The following DCC variants were observed in gnomAD, a reference collection of about 807,000 sequenced individuals.
The protein encoded by DCC is netrin receptor DCC.
DCC carries 58 observed loss-of-function variants against 172.5 expected under a neutral mutation model. The ratio of observed to expected loss-of-function variants is 0.34; its 90% CI spans 0.27 to 0.42. DCC has a LOEUF of 0.42. DCC is among the 10% of genes least tolerant of loss of function. The pLI is 1.00. For synonymous variants in DCC, 709 were observed against 644.5 expected (o/e 1.10, Z -1.52); for missense variants, 1,740 against 1,791.0 (o/e 0.97, Z 0.51).
chr18:53,187,867 TAA>T (rs1349966146), intron 9 of DCC, among the ~76,000 whole-genome samples: 7 of 152,324 alleles, frequency 4.6e-5, no homozygotes, highest in African/African-American at 1.7e-4. Context: ...TACCATGAGT[TAA>T]AATAGAAAGA....
chr18:53,361,322 A>G (rs377021129), intron 15 of DCC, among the ~76,000 whole-genome samples: 1 of 152,340 alleles, frequency 6.6e-6, no homozygotes, highest in South Asian at 2.1e-4. Context: ...TAGAAAATCA[A>G]TACAAAACCG....
At chr18:53,462,677 A>G (rs2045574262) in intron 24 of DCC, among the ~76,000 whole-genome samples, 3 of 152,126 alleles carry the variant, frequency 2.0e-5, no homozygotes, top group South Asian at 2.1e-4. Context: ...ATTTTCTTCC[A>G]TGAAACTGGT....
intron 4 of DCC, 107 bp downstream of exon 4, chr18:52,923,964 A>G (rs2040162714): frequency 2.5e-6 from 2 of 815,958 alleles, no homozygotes; most frequent in Non-Finnish European, 4.2e-6. Flanking sequence ...AGGGTTTTTC[A>G]TAATAATTGA....
chr18:53,059,107 G>T (rs920360699), intron 5 of DCC, among the ~76,000 whole-genome samples: 1 of 152,026 alleles, frequency 6.6e-6, no homozygotes, highest in Non-Finnish European at 1.5e-5. Flanking sequence ...GGAGCCAAAG[G>T]GGGAAAAGCC....
intron 1 of DCC, among the ~76,000 whole-genome samples, chr18:52,539,171 G>C (rs2032369068): frequency 6.6e-6 from 1 of 151,852 alleles, no homozygotes; most frequent in Admixed American, 6.6e-5. Flanking sequence ...GATTTTGTGG[G>C]GCTTAATTTA....
chr18:53,191,324 CACTT>C (rs1482113996), intron 9 of DCC, among the ~76,000 whole-genome samples: 1 of 152,058 alleles, frequency 6.6e-6, no homozygotes, highest in Non-Finnish European at 1.5e-5. Flanking sequence ...TTTAACATAT[CACTT>C]ACATTTTTAT....
intron 12 of DCC, among the ~76,000 whole-genome samples, chr18:53,272,934 T>C (rs536704777): frequency 6.6e-6 from 1 of 152,210 alleles, no homozygotes; most frequent in African/African-American, 2.4e-5. Flanking sequence ...AATAAACAGC[T>C]CAACACAGAT....
Position 53,472,798 on chromosome 18 carries a change from T to C in DCC, c.3736+4788T>C, listed in dbSNP as rs545631910. ...TTCCTAAAACAAGTTAAACATGGCA[T>C]CCCACCCCATACATTTCTCCAGTGG... On this transcript the variant is annotated intron_variant, in intron 25 of 28. Coordinates refer to ENST00000442544, the MANE Select transcript of DCC (RefSeq NM_005215.4). 1.7e-3 allele frequency among the ~76,000 whole-genome samples: 260 copies of C among 152,230 alleles called. 1 individual carries two copies. Among genetic ancestry groups the C allele is most frequent in the Admixed American group, 5.1e-3 (78 of 15,272 alleles).
intron 2 of DCC, among the ~76,000 whole-genome samples, chr18:52,839,276 T>C (rs967251274): frequency 6.6e-6 from 1 of 152,186 alleles, no homozygotes; most frequent in African/African-American, 2.4e-5. Flanking sequence ...TATGTGTGCA[T>C]GTTCAAGTAT....
At chr18:53,083,670 C>T (rs2042837195) in intron 7 of DCC, among the ~76,000 whole-genome samples, 1 of 152,078 alleles carries the variant, frequency 6.6e-6, no homozygotes, top group Non-Finnish European at 1.5e-5. Flanking sequence ...TGATGGCATA[C>T]TTCTCTTTAG....
intron 7 of DCC, among the ~76,000 whole-genome samples, chr18:53,145,785 A>C (rs992338914): frequency 6.6e-6 from 1 of 152,234 alleles, no homozygotes; most frequent in Non-Finnish European, 1.5e-5. Flanking sequence ...AAATAGAAAA[A>C]GAAGAAGTAA....
chr18:53,164,871 C>G (rs2054892788), intron 8 of DCC, among the ~76,000 whole-genome samples: 1 of 152,160 alleles, frequency 6.6e-6, no homozygotes, highest in Non-Finnish European at 1.5e-5. Flanking sequence ...TTATGATGAT[C>G]TCCATTTCAC....
chr18:53,152,337 C>A (rs1454509628), intron 7 of DCC, among the ~76,000 whole-genome samples: 1 of 152,116 alleles, frequency 6.6e-6, no homozygotes, highest in African/African-American at 2.4e-5. Flanking sequence ...GAAAAAAATT[C>A]ATGTTCATAA....
chr18:52,707,787 T>G (rs2036233106), intron 1 of DCC, among the ~76,000 whole-genome samples: 1 of 152,196 alleles, frequency 6.6e-6, no homozygotes, highest in Non-Finnish European at 1.5e-5. Context: ...ATGATCTATC[T>G]TTTATGTGGA....
chr18:53,419,015 G>A (rs1354131625), intron 21 of DCC, among the ~76,000 whole-genome samples: 1 of 152,126 alleles, frequency 6.6e-6, no homozygotes, highest in Non-Finnish European at 1.5e-5. Context: ...GGCACAGGTG[G>A]CAAATAAGTT....
intron 12 of DCC, among the ~76,000 whole-genome samples, chr18:53,273,615 A>C (rs372028605): frequency 1.3e-5 from 2 of 152,160 alleles, no homozygotes; most frequent in East Asian, 3.9e-4. Context: ...ATTTGCAAAT[A>C]AGTTCTGAGT....
chr18:53,233,880 G>A (rs183594485), intron 12 of DCC, among the ~76,000 whole-genome samples: 4 of 152,266 alleles, frequency 2.6e-5, no homozygotes, highest in Non-Finnish European at 4.4e-5. Context: ...TTGGGAGGCC[G>A]AGTTGGGTGG....
At chr18:52,806,139 A>G (rs2038079500) in intron 2 of DCC, among the ~76,000 whole-genome samples, 1 of 152,138 alleles carries the variant, frequency 6.6e-6, no homozygotes, top group Non-Finnish European at 1.5e-5. Context: ...GTGATGGATC[A>G]TTTCTGTATC....
At chr18:53,038,473 T>G (rs1368248398) in intron 5 of DCC, among the ~76,000 whole-genome samples, 1 of 151,968 alleles carries the variant, frequency 6.6e-6, no homozygotes, top group African/African-American at 2.4e-5. Context: ...AGTTAGGGCT[T>G]CAACACGCAA....
Sources: allele counts gnomAD v4.1 joint callset (sites outside exome capture counted in the v4.1 genomes callset), GRCh38; gene constraint gnomAD v4.1.1; transcripts MANE v1.5; gene names NCBI Gene and HGNC (gene_info 2026-07-23, HGNC 2026-07-21).